RCSD1: variants seen among roughly 807,000 people sequenced by gnomAD.
The protein encoded by RCSD1 is RCSD domain containing 1, also known as capZ-interacting protein.
In RCSD1, 26 loss-of-function variants were observed where a neutral mutation model predicts 42.5. That is an observed-to-expected ratio of 0.61 (90% CI 0.45 to 0.85). The LOEUF (loss-of-function observed/expected upper bound fraction) is 0.85, where lower values mean the gene tolerates loss of function less well. Ranked by LOEUF, RCSD1 falls within the 40% of genes least tolerant of loss-of-function variation. The pLI is 0.00. For synonymous variants in RCSD1, 220 were observed against 212.2 expected, an observed-to-expected ratio of 1.04 and a Z score of -0.32; for missense variants, 571 against 528.3, an observed-to-expected ratio of 1.08 and a Z score of -0.79.
intron 1 of RCSD1, among the ~76,000 whole-genome samples, chr1:167,638,103 C>T (rs1229390): frequency 0.68 from 102,689 of 152,060 alleles, 34,980 homozygotes; most frequent in East Asian, 0.84. Context: ...ATTCCCAATG[C>T]GTGAGCTAAA....
chr1:167,646,977 A>G (rs1394344542), intron 1 of RCSD1, among the ~76,000 whole-genome samples: 1 of 152,112 alleles, frequency 6.6e-6, no homozygotes, highest in Non-Finnish European at 1.5e-5. Flanking sequence ...TAAAAATACA[A>G]AAGTTAGCCT....
intron 1 of RCSD1, among the ~76,000 whole-genome samples, chr1:167,636,710 C>T (rs1222726837): frequency 6.6e-6 from 1 of 152,124 alleles, no homozygotes; most frequent in Non-Finnish European, 1.5e-5. Flanking sequence ...CCTCAGCCTC[C>T]CAAGTAGCTG....
rs925705368 is a variant in RCSD1, at chr1:167,697,756, G to C, written c.1132G>C (p.Glu378Gln). The C allele has an allele frequency of 2.6e-5, 40 of 1,533,184 alleles. No homozygotes were observed. Among genetic ancestry groups the C allele is most frequent in the Non-Finnish European group, 3.5e-5 (40 of 1,142,086 alleles). 95.0% of individuals were successfully genotyped at this position (1,533,184 alleles called of 1,614,324 possible). Residue 378 changes from glutamate (E) to glutamine (Q), a missense_variant, in exon 6 of 7, where the codon GAG (glutamate) becomes CAG (glutamine). Coordinates refer to ENST00000367854, the MANE Select transcript of RCSD1 (RefSeq NM_052862.4). ...AAAACAACAGGAGGGGGCAGTGCTC[G>C]AGCCAGGCTGCAGCCCCCAGACCGG... is the stretch of plus-strand genomic sequence containing the variant. ...KEKQQEGAVL[E>Q]PGCSPQTGPA...
chr1:167,672,643 G>A lies in RCSD1; in HGVS notation c.7-11257G>A, dbSNP rs1658838348. 2.0e-5 allele frequency among the ~76,000 whole-genome samples: 3 copies of A among 152,310 alleles called. No homozygotes were observed. The South Asian group carries it at 6.2e-4, about 32-fold the overall frequency. ...ATCCTCTTCCACTTTAAGGGCTCTT[G>A]TGATAATATGGGAGCCACTGAATAA... On this transcript the variant is annotated intron_variant, in intron 1 of 6. Transcript: ENST00000367854.
At chr1:167,703,119 T>C (rs1419115703) in intron 6 of RCSD1, among the ~76,000 whole-genome samples, 2 of 152,228 alleles carry the variant, frequency 1.3e-5, no homozygotes, top group Non-Finnish European at 2.9e-5. Context: ...AACATTGTTC[T>C]TTCTTTCTTC....
chr1:167,675,207 GAAAAAA>G (rs34426324), intron 1 of RCSD1, among the ~76,000 whole-genome samples: 21 of 49,150 alleles, frequency 4.3e-4, no homozygotes, highest in African/African-American at 2.0e-3. Context: ...CTCCATCTCG[GAAAAAA>G]AAAAAAAAAA....
Position 167,704,734 on chromosome 1 carries a change from A to T in RCSD1, c.*38A>T, listed in dbSNP as rs769010302. On this transcript the variant is annotated 3_prime_UTR_variant, in exon 7 of 7. Transcript: ENST00000367854. ...TGTGCCCCAGTGATGAAGTTGCTGG[A>T]CACATCTCTTTGCAGGTAGCAGCAA... 1 of 1,600,706 alleles carries T rather than the reference A, an allele frequency of 6.2e-7. No individual in the cohort carries two copies. The highest frequency in any genetic ancestry group is 8.6e-7 in the Non-Finnish European group (1 of 1,168,860).
chr1:167,676,590 G>C (rs759043509), intron 1 of RCSD1, among the ~76,000 whole-genome samples: 7 of 151,852 alleles, frequency 4.6e-5, no homozygotes, highest in Non-Finnish European at 1.0e-4. Context: ...GCACATTTTA[G>C]AGACAAATTT....
At chr1:167,670,357 GA>G (rs58634704) in intron 1 of RCSD1, among the ~76,000 whole-genome samples, 148 of 132,344 alleles carry the variant, frequency 1.1e-3, no homozygotes, top group African/African-American at 2.2e-3. Flanking sequence ...CTTTGCAAAA[GA>G]AAAAAAAAAA....
chr1:167,669,833 G>C (rs1229362), intron 1 of RCSD1, among the ~76,000 whole-genome samples: 74,415 of 152,032 alleles, frequency 0.49, 18,773 homozygotes, highest in African/African-American at 0.56. Context: ...TGACTGCAAG[G>C]GAGTCAGGGT....
chr1:167,664,544 G>T (rs1658607881), intron 1 of RCSD1: 1 of 152,228 alleles, frequency 6.6e-6, no homozygotes, highest in South Asian at 2.1e-4. Flanking sequence ...TGTATACATT[G>T]ATGAGTGTTG....
chr1:167,681,385 G>T (rs1199744597), intron 1 of RCSD1, among the ~76,000 whole-genome samples: 4 of 152,210 alleles, frequency 2.6e-5, no homozygotes, highest in Non-Finnish European at 4.4e-5. Flanking sequence ...CTGGAGAGGG[G>T]CTGATGGTGA....
chr1:167,651,311 C>T (rs1186203780), intron 1 of RCSD1, among the ~76,000 whole-genome samples: 4 of 152,182 alleles, frequency 2.6e-5, no homozygotes, highest in Admixed American at 6.5e-5. Context: ...CCACACCTAA[C>T]CACAGAATGC....
At chr1:167,650,761 T>C (rs1658279857) in intron 1 of RCSD1, among the ~76,000 whole-genome samples, 4 of 151,788 alleles carry the variant, frequency 2.6e-5, no homozygotes, top group Admixed American at 1.3e-4. Context: ...AGGTTAGCAA[T>C]GGAGTAGGGA....
chr1:167,666,673 A>C (rs768955412), intron 1 of RCSD1, among the ~76,000 whole-genome samples: 2 of 152,194 alleles, frequency 1.3e-5, no homozygotes, highest in African/African-American at 4.8e-5. Context: ...TCCAGAGGAA[A>C]GGGTGGGTGG....
intron 5 of RCSD1, among the ~76,000 whole-genome samples, chr1:167,696,726 AC>A (rs1176846363): frequency 6.6e-6 from 1 of 152,174 alleles, no homozygotes; most frequent in Non-Finnish European, 1.5e-5. Context: ...GTGCTGGATT[AC>A]ATGTGTGAGC....
At chr1:167,647,124 C>A (rs1185336030) in intron 1 of RCSD1, among the ~76,000 whole-genome samples, 1 of 15,850 alleles carries the variant, frequency 6.3e-5, no homozygotes, top group Non-Finnish European at 1.1e-4. Context: ...GAGTGAAACT[C>A]CATCTCAAAA....
intron 2 of RCSD1, among the ~76,000 whole-genome samples, chr1:167,684,759 A>T (rs974010954): frequency 3.9e-5 from 6 of 152,220 alleles, no homozygotes; most frequent in Admixed American, 3.3e-4. Flanking sequence ...CTGTAAGCCC[A>T]GCTACTCAGG....
intron 1 of RCSD1, among the ~76,000 whole-genome samples, chr1:167,670,318 T>C (rs1658771358): frequency 1.5e-5 from 2 of 136,962 alleles, no homozygotes; most frequent in Non-Finnish European, 1.5e-5. Flanking sequence ...ATGCCAGCTA[T>C]GAAGAGACAC....
Sources: allele counts gnomAD v4.1 joint callset (sites outside exome capture counted in the v4.1 genomes callset), GRCh38; gene constraint gnomAD v4.1.1; transcripts MANE v1.5; gene names NCBI Gene and HGNC (gene_info 2026-07-23, HGNC 2026-07-21).